IL1RL2: variants seen among roughly 807,000 people sequenced by gnomAD.
IL1RL2 encodes interleukin 1 receptor like 2, also known as interleukin-1 receptor-like 2.
Under a neutral mutation model 66.8 loss-of-function variants are expected in IL1RL2, and 68 were observed. That is an observed-to-expected ratio of 1.02 (90% confidence interval 0.84 to 1.25). The LOEUF (loss-of-function observed/expected upper bound fraction) is 1.25. Ranked by LOEUF, IL1RL2 falls within the 50% of genes most tolerant of loss-of-function variation. The pLI is 0.00. For missense variants in IL1RL2, 729 were observed against 709.3 expected, an observed-to-expected ratio of 1.03 and a Z score of -0.32; for synonymous variants, 305 against 264.6, an observed-to-expected ratio of 1.15 and a Z score of -1.48.
chr2:102,193,957 A>T (rs1001098055), intron 4 of IL1RL2, among the ~76,000 whole-genome samples: 2 of 152,124 alleles, frequency 1.3e-5, no homozygotes, highest in African/African-American at 4.8e-5. Context: ...CATTAAAAAA[A>T]CCCCTTTTCA....
At chr2:102,242,677 A>C (rs1415344153), downstream of IL1RL2, among the ~76,000 whole-genome samples, 1 of 151,938 alleles carries the variant, frequency 6.6e-6, no homozygotes, top group African/African-American at 2.4e-5. Flanking sequence ...TGCTCTGGGG[A>C]AGGCTCACTG....
chr2:102,205,126 A>G (rs1279657595), intron 5 of IL1RL2, among the ~76,000 whole-genome samples: 3 of 152,130 alleles, frequency 2.0e-5, no homozygotes, highest in Non-Finnish European at 4.4e-5. Context: ...CAAACAAGCA[A>G]AAAGAAAACT....
intron 8 of IL1RL2, among the ~76,000 whole-genome samples, chr2:102,222,038 C>A (rs1254767562): frequency 6.6e-6 from 1 of 152,116 alleles, no homozygotes; most frequent in African/African-American, 2.4e-5. Context: ...GATAATCATC[C>A]CCCCAACTTT....
chr2:102,205,485 T>G (rs1476720041), intron 5 of IL1RL2, among the ~76,000 whole-genome samples: 2 of 152,210 alleles, frequency 1.3e-5, no homozygotes, highest in Admixed American at 6.5e-5. Flanking sequence ...GGAAAGTCTA[T>G]TTCTTCTTCA....
At chr2:102,187,110 G>A (rs372768749) in intron 1 of IL1RL2, 24 bp downstream of exon 1, 4 of 1,289,454 alleles carry the variant, frequency 3.1e-6, no homozygotes, top group East Asian at 1.1e-4. Context: ...CGGGAGTCTG[G>A]CTGAGCCAGG....
downstream of IL1RL2, among the ~76,000 whole-genome samples, chr2:102,242,333 G>A (rs1459023913): frequency 6.6e-6 from 1 of 152,066 alleles, no homozygotes; most frequent in Non-Finnish European, 1.5e-5. Flanking sequence ...AATTGCGTTA[G>A]TCAGGGTTTT....
intron 7 of IL1RL2, among the ~76,000 whole-genome samples, chr2:102,219,439 C>A (rs1175634737): frequency 6.6e-6 from 1 of 152,156 alleles, no homozygotes; most frequent in Admixed American, 6.5e-5. Context: ...CTTTGCTATA[C>A]TAAACAAGCG....
intron 6 of IL1RL2, among the ~76,000 whole-genome samples, chr2:102,218,701 C>G (rs187604395): frequency 1.7e-3 from 253 of 152,224 alleles, no homozygotes; most frequent in Non-Finnish European, 2.5e-3. Flanking sequence ...GTAGAAATAG[C>G]ATTTGTGTAC....
intron 4 of IL1RL2, among the ~76,000 whole-genome samples, chr2:102,200,707 T>C (rs1279757177): frequency 1.3e-5 from 2 of 152,020 alleles, no homozygotes; most frequent in African/African-American, 4.8e-5. Flanking sequence ...GCCCAAGGGA[T>C]GGAAGAACTG....
chr2:102,233,213 C>A, intron 10 of IL1RL2, 89 bp downstream of exon 10: 1 of 1,253,548 alleles, frequency 8.0e-7, no homozygotes, highest in Non-Finnish European at 1.1e-6. Context: ...GGTGACTCTG[C>A]CTGCCTTCCC....
chr2:102,216,765 C>A (rs921574941), intron 6 of IL1RL2, among the ~76,000 whole-genome samples: 1 of 152,050 alleles, frequency 6.6e-6, no homozygotes, highest in Non-Finnish European at 1.5e-5. Context: ...ATTGTGGCTA[C>A]CATGAGGCTA....
intron 7 of IL1RL2, among the ~76,000 whole-genome samples, chr2:102,219,449 G>A (rs1922294): frequency 0.87 from 133,081 of 152,238 alleles, 58,342 homozygotes; most frequent in East Asian, 0.98. Flanking sequence ...CTAAACAAGC[G>A]CCAATGGGGA....
chr2:102,233,655 C>T (rs1406899244), intron 10 of IL1RL2, among the ~76,000 whole-genome samples: 1 of 152,094 alleles, frequency 6.6e-6, no homozygotes, highest in Non-Finnish European at 1.5e-5. Context: ...GTTCAGTTAA[C>T]TTCTCTCAAC....
chr2:102,210,490 T>TCAGAAGTGCAGGTA (rs1265367857), intron 5 of IL1RL2, among the ~76,000 whole-genome samples: 2 of 152,040 alleles, frequency 1.3e-5, no homozygotes, highest in Non-Finnish European at 2.9e-5. Context: ...CCAGGGTGGA[T>TCAGAAGTGCAGGTA]CAGAAGTGCA....
chr2:102,197,530 G>A (rs375395060), intron 4 of IL1RL2, among the ~76,000 whole-genome samples: 15 of 152,176 alleles, frequency 9.9e-5, no homozygotes, highest in African/African-American at 3.6e-4. Flanking sequence ...TTATCCTGTA[G>A]AGGCCATAAA....
chr2:102,226,176 C>A, intron 9 of IL1RL2, 135 bp downstream of exon 9: 1 of 622,932 alleles, frequency 1.6e-6, no homozygotes, highest in Non-Finnish European at 2.5e-6. Context: ...TTGGAACTGC[C>A]TGTGCTTTAG....
At chr2:102,212,990 CA>C (rs1013528081) in intron 6 of IL1RL2, among the ~76,000 whole-genome samples, 1 of 150,918 alleles carries the variant, frequency 6.6e-6, no homozygotes, top group African/African-American at 2.4e-5. Flanking sequence ...CAAAACAAAA[CA>C]AAAAAAATCA....
chr2:102,217,810 C>T (rs1008511381), intron 6 of IL1RL2, among the ~76,000 whole-genome samples: 1 of 152,074 alleles, frequency 6.6e-6, no homozygotes, highest in Non-Finnish European at 1.5e-5. Flanking sequence ...TAAATATAAG[C>T]CTGAAACTAT....
downstream of IL1RL2, among the ~76,000 whole-genome samples, chr2:102,241,090 T>C (rs1394070537): frequency 1.3e-5 from 2 of 152,324 alleles, no homozygotes; most frequent in East Asian, 1.9e-4. Context: ...GCGGCCAGAA[T>C]GGAGACTTAC....
Sources: allele counts gnomAD v4.1 joint callset (sites outside exome capture counted in the v4.1 genomes callset), GRCh38; gene constraint gnomAD v4.1.1; transcripts MANE v1.5; gene names NCBI Gene and HGNC (gene_info 2026-07-23, HGNC 2026-07-21).